PCDH15: variants seen among roughly 807,000 people sequenced by gnomAD.
PCDH15 encodes the protein protocadherin-15.
PCDH15 carries 129 observed loss-of-function variants against 178.5 expected under a neutral mutation model. The observed-to-expected ratio is 0.72, with a 90% CI of 0.63 to 0.84. The LOEUF is 0.84. PCDH15 is among the 40% of genes least tolerant of loss of function. The probability of loss-of-function intolerance (pLI) is 0.00; values close to 1 mark genes in which losing one functional copy is unlikely to be tolerated. For missense variants in PCDH15, 2,230 were observed against 2,099.9 expected (o/e 1.06, Z -1.21); for synonymous variants, 800 against 732.0 (o/e 1.09, Z -1.50).
At chr10:54,642,444 G>A (rs972722628) in intron 2 of PCDH15, among the ~76,000 whole-genome samples, 4 of 152,106 alleles carry the variant, frequency 2.6e-5, no homozygotes, top group African/African-American at 9.7e-5. Context: ...GGTCATGGAG[G>A]CTTATATATT....
chr10:53,883,037 A>G (rs940021738), intron 26 of PCDH15, among the ~76,000 whole-genome samples: 2 of 152,146 alleles, frequency 1.3e-5, no homozygotes, highest in Non-Finnish European at 2.9e-5. Context: ...TTTGATGTAC[A>G]TATGTATATA....
chr10:53,823,151 A>ATGGGCACT, intron 32 of PCDH15: 1 of 1,613,954 alleles, frequency 6.2e-7, no homozygotes, highest in Non-Finnish European at 8.5e-7. Context: ...AAAGGGGATT[A>ATGGGCACT]TGGGCACTTA....
At chr10:53,980,750 A>G (rs977272864) in intron 21 of PCDH15, among the ~76,000 whole-genome samples, 2 of 152,204 alleles carry the variant, frequency 1.3e-5, no homozygotes, top group African/African-American at 4.8e-5. Context: ...TGAGTTAAAC[A>G]AAAACAACAA....
At chr10:55,514,537 C>T (rs557644208) in intron 2 of PCDH15, among the ~76,000 whole-genome samples, 2 of 152,192 alleles carry the variant, frequency 1.3e-5, no homozygotes, top group South Asian at 2.1e-4. Flanking sequence ...TGATTGGGTT[C>T]GGCAAAGCGT....
chr10:54,449,588 A>G (rs1296514446), intron 3 of PCDH15, among the ~76,000 whole-genome samples: 1 of 151,876 alleles, frequency 6.6e-6, no homozygotes, highest in Non-Finnish European at 1.5e-5. Context: ...CTGGGTGGCA[A>G]AAACTGAACT....
chr10:53,834,915 C>T (rs1900417), intron 29 of PCDH15, among the ~76,000 whole-genome samples: 60,436 of 151,918 alleles, frequency 0.4, 12,718 homozygotes, highest in East Asian at 0.75. Context: ...GTACTCTAGA[C>T]AGTAGAGGGA....
chr10:54,651,328 G>C lies in PCDH15; in HGVS notation c.91+12844C>G, dbSNP rs2094256225. On this transcript the variant is annotated intron_variant, in intron 2 of 37. Transcript: ENST00000644397. ...GAAATAATATGAGTAGGCAAAGCAA[G>C]AATATATCACAAAGGGCCAAGAAAG... Among the ~76,000 whole-genome samples the C allele has an allele frequency of 2.0e-5, 3 of 152,124 alleles. No individual in the cohort carries two copies. The South Asian group carries it at 6.2e-4, about 31-fold the overall frequency.
intron 10 of PCDH15, among the ~76,000 whole-genome samples, chr10:54,207,445 G>A (rs2134041819): frequency 6.6e-6 from 1 of 151,656 alleles, no homozygotes; most frequent in East Asian, 1.9e-4. Flanking sequence ...TAATGGTAGT[G>A]TTGCTCTTCG....
At chr10:53,899,145 G>GT (rs1554850745) in intron 26 of PCDH15, among the ~76,000 whole-genome samples, 1 of 149,572 alleles carries the variant, frequency 6.7e-6, no homozygotes, top group Non-Finnish European at 1.5e-5. Flanking sequence ...TTTTTTTCGG[G>GT]GGGGGGTGGT....
At chr10:55,428,090 C>A (rs930712847) in intron 2 of PCDH15, among the ~76,000 whole-genome samples, 2 of 151,910 alleles carry the variant, frequency 1.3e-5, no homozygotes, top group Non-Finnish European at 2.9e-5. Context: ...TAGCTTATTT[C>A]TACAAACATT....
intron 16 of PCDH15, among the ~76,000 whole-genome samples, chr10:54,080,590 A>T (rs1302614974): frequency 6.6e-6 from 1 of 152,320 alleles, no homozygotes; most frequent in East Asian, 1.9e-4. Flanking sequence ...AACAATTCAT[A>T]TCACATATGG....
At chr10:54,230,144 C>T (rs114588702) in intron 9 of PCDH15, among the ~76,000 whole-genome samples, 2,192 of 151,980 alleles carry the variant, frequency 0.014, 33 homozygotes, top group African/African-American at 0.045. Context: ...TAAATAAATT[C>T]TATAAAGAAC....
At chr10:54,142,818 G>A (rs1167003891) in intron 14 of PCDH15, among the ~76,000 whole-genome samples, 1 of 152,054 alleles carries the variant, frequency 6.6e-6, no homozygotes, top group Non-Finnish European at 1.5e-5. Context: ...AAAAAGGAGA[G>A]GGGAGAGACA....
At chr10:55,205,500 T>C (rs1055009382) in intron 1 of PCDH15, among the ~76,000 whole-genome samples, 2 of 152,182 alleles carry the variant, frequency 1.3e-5, no homozygotes, top group African/African-American at 4.8e-5. Context: ...TCAAATATAA[T>C]ATTAGTTAAT....
intron 2 of PCDH15, among the ~76,000 whole-genome samples, chr10:55,501,256 G>A (rs1010018318): frequency 6.6e-5 from 10 of 151,710 alleles, no homozygotes; most frequent in African/African-American, 2.4e-4. Flanking sequence ...AGGCTTTAAA[G>A]GGAGTGTAGC....
intron 8 of PCDH15, among the ~76,000 whole-genome samples, chr10:54,262,542 G>A (rs866385108): frequency 6.6e-6 from 1 of 152,088 alleles, no homozygotes; most frequent in Admixed American, 6.5e-5. Flanking sequence ...AGAGGCCAGA[G>A]GACAAATCAG....
At chr10:55,276,346 T>A (rs1025873429) in intron 1 of PCDH15, among the ~76,000 whole-genome samples, 4 of 151,164 alleles carry the variant, frequency 2.6e-5, no homozygotes, top group Non-Finnish European at 4.4e-5. Context: ...ACTGATAGGA[T>A]CATTGTGTAC....
At chr10:54,924,836 A>G (rs994840728) in intron 2 of PCDH15, among the ~76,000 whole-genome samples, 6 of 152,072 alleles carry the variant, frequency 3.9e-5, no homozygotes, top group Non-Finnish European at 7.4e-5. Flanking sequence ...TTAATTTGCT[A>G]GATATTAGAC....
Position 53,843,292 on chromosome 10 carries a change from T to C in PCDH15, c.3807-2796A>G, listed in dbSNP as rs560593290. On this transcript the variant is annotated intron_variant, in intron 28 of 37. Transcript: ENST00000644397. ...GTAAGTAAAACTAAATACCTTTTAA[T>C]TGAGAACACATTTCATAAAAATCTA... is the stretch of plus-strand genomic sequence containing the variant. Among the ~76,000 whole-genome samples the C allele has an allele frequency of 2.0e-5, 3 of 152,214 alleles. No homozygotes were observed. In the South Asian group the frequency reaches 6.2e-4, roughly 32 times the overall value.
Sources: allele counts gnomAD v4.1 joint callset (sites outside exome capture counted in the v4.1 genomes callset), GRCh38; gene constraint gnomAD v4.1.1; transcripts MANE v1.5; gene names NCBI Gene and HGNC (gene_info 2026-07-23, HGNC 2026-07-21).